Variants in ZNF564 observed in about 807,000 individuals in gnomAD.
The protein encoded by ZNF564 is zinc finger protein 564.
ZNF564 carries 5 observed loss-of-function variants against 10.5 expected under a neutral mutation model. That is an observed-to-expected ratio of 0.48 (90% CI 0.25 to 1.00). The LOEUF (loss-of-function observed/expected upper bound fraction) is 1.00. Ranked by LOEUF, ZNF564 falls within the 50% of genes least tolerant of loss-of-function variation. The probability of loss-of-function intolerance (pLI) is 0.16; values close to 1 mark genes in which losing one functional copy is unlikely to be tolerated. For synonymous variants in ZNF564, 242 were observed against 218.1 expected (o/e 1.11, Z -0.97); for missense variants, 603 against 669.7 (o/e 0.90, Z 1.10).
At chr19:12,539,237 T>C (rs566494256) in intron 1 of ZNF564, among the ~76,000 whole-genome samples, 12 of 85,372 alleles carry the variant, frequency 1.4e-4, no homozygotes, top group Admixed American at 7.3e-4. Flanking sequence ...CGAGACTCCA[T>C]CTCAAAAAAA....
chr19:12,531,680 A>G (rs573289566), intron 1 of ZNF564, among the ~76,000 whole-genome samples: 2 of 152,312 alleles, frequency 1.3e-5, no homozygotes, highest in South Asian at 4.1e-4. Context: ...AGGCTCACTA[A>G]CAAATCATAT....
intron 1 of ZNF564, among the ~76,000 whole-genome samples, chr19:12,539,676 A>C (rs893417830): frequency 1.4e-5 from 2 of 138,466 alleles, no homozygotes; most frequent in Admixed American, 7.4e-5. Flanking sequence ...TCAAAAAGAC[A>C]AAAAAGAAAA....
chr19:12,536,680 C>T lies in ZNF564; in HGVS notation c.4-7984G>A, dbSNP rs182080158. Reference sequence around the variant, plus strand: ...CTAGAATTCGGACATGGATGAGTATCCATGGTATTGTGGACTTCGTATAAG... The same window carrying T: ...CTAGAATTCGGACATGGATGAGTATTCATGGTATTGTGGACTTCGTATAAG... On this transcript the variant is annotated intron_variant, in intron 1 of 3. Coordinates refer to ENST00000339282, the MANE Select transcript of ZNF564 (RefSeq NM_144976.4). 3.5e-3 allele frequency among the ~76,000 whole-genome samples: 529 copies of T among 152,166 alleles called. 3 individuals carry two copies. The highest frequency in any genetic ancestry group is 5.5e-3 in the Non-Finnish European group (376 of 68,014).
At chr19:12,536,865 C>T (rs1444973648) in intron 1 of ZNF564, among the ~76,000 whole-genome samples, 3 of 152,122 alleles carry the variant, frequency 2.0e-5, no homozygotes, top group Non-Finnish European at 4.4e-5. Flanking sequence ...CCTGAAAACT[C>T]CTAATACTTT....
At chr19:12,544,074 G>T (rs1428545344) in intron 1 of ZNF564, among the ~76,000 whole-genome samples, 2 of 152,126 alleles carry the variant, frequency 1.3e-5, no homozygotes, top group African/African-American at 4.8e-5. Flanking sequence ...AAAACTACAT[G>T]TGTGCTGTTC....
intron 1 of ZNF564, among the ~76,000 whole-genome samples, chr19:12,539,666 T>G (rs1440041639): frequency 3.8e-5 from 5 of 130,622 alleles, no homozygotes; most frequent in African/African-American, 1.4e-4. Context: ...ACAATTCCTC[T>G]CAAAAAGACA....
chr19:12,527,009 A>G lies in ZNF564; in HGVS notation c.1099T>C (p.Cys367Arg). 2 of 1,613,990 alleles carry G rather than the reference A, an allele frequency of 1.2e-6. No homozygotes were observed. The highest frequency in any genetic ancestry group is 1.1e-5 in the South Asian group (1 of 91,074). Residue 367 changes from cysteine to arginine, a missense_variant, in exon 4 of 4, where the codon TGT (cysteine) becomes CGT (arginine). Transcript: ENST00000339282. The part of the protein sequence containing the change: ...RTHTGEKPYE[C>R]KECGKAFISL... Reference sequence around the variant, plus strand: ...ATGAAGGCTTTCCCGCATTCCTTACATTCATAGGGCTTCTCTCCAGTGTGA... The same window carrying G: ...ATGAAGGCTTTCCCGCATTCCTTACGTTCATAGGGCTTCTCTCCAGTGTGA...
At position 12,543,630 on chromosome 19, in the gene ZNF564, C is replaced by T. The variant is rs141875063; in HGVS notation, c.3+7700G>A. ...TGGAGGTTGTGGTGAGCCAAGATCA[C>T]GTCACTGCACTCCAGACGGGGCAAC... On this transcript the variant is annotated intron_variant, in intron 1 of 3. Coordinates refer to ENST00000339282, the MANE Select transcript of ZNF564 (RefSeq NM_144976.4). 1.7e-3 allele frequency among the ~76,000 whole-genome samples: 237 copies of T among 138,204 alleles called. 2 individuals are homozygous for T. Among genetic ancestry groups the T allele is most frequent in the African/African-American group, 6.0e-3 (220 of 36,640 alleles). 90.7% of individuals were successfully genotyped at this position (138,204 alleles called of 152,430 possible).
rs751032793 is a variant in ZNF564, at chr19:12,527,058, A to G, written c.1050T>C (p.Ser350=). 6 of 1,614,064 alleles carry G rather than the reference A, an allele frequency of 3.7e-6. No homozygotes were observed. In the South Asian group the frequency reaches 6.6e-5, roughly 18 times the overall value. The change falls in exon 4 of 4, where the codon AGT becomes AGC. Residue 350 remains serine (S), a synonymous_variant. Transcript: ENST00000339282. ...NKCGKTFSSS[S]NVRTHERTHT... ...GAGTCCTTTCATGTGTTCGAACATTACTGGAAGAACTGAAGGTTTTACCAC... is the reference window on the plus strand; with the variant it reads ...GAGTCCTTTCATGTGTTCGAACATTGCTGGAAGAACTGAAGGTTTTACCAC...
intron 1 of ZNF564, among the ~76,000 whole-genome samples, chr19:12,538,277 C>A (rs957214610): frequency 3.3e-5 from 5 of 151,544 alleles, no homozygotes; most frequent in African/African-American, 1.2e-4. Flanking sequence ...CTGCTTAATG[C>A]CAAGGAGTTT....
At chr19:12,532,064 G>C (rs1428384121) in intron 1 of ZNF564, among the ~76,000 whole-genome samples, 1 of 152,104 alleles carries the variant, frequency 6.6e-6, no homozygotes, top group Non-Finnish European at 1.5e-5. Context: ...AAAACACAGA[G>C]ATAAGCCAGG....
intron 1 of ZNF564, among the ~76,000 whole-genome samples, chr19:12,545,052 AG>A (rs1183067135): frequency 6.6e-6 from 1 of 152,118 alleles, no homozygotes; most frequent in Non-Finnish European, 1.5e-5. Context: ...TGAGGTCAGG[AG>A]TTTGAGACCA....
At chr19:12,547,549 T>C (rs2145097515) in intron 1 of ZNF564, among the ~76,000 whole-genome samples, 1 of 152,334 alleles carries the variant, frequency 6.6e-6, no homozygotes, top group South Asian at 2.1e-4. Flanking sequence ...AACAATTAAC[T>C]ATTACAACCT....
intron 1 of ZNF564, among the ~76,000 whole-genome samples, chr19:12,536,266 T>C (rs1417722554): frequency 6.6e-6 from 1 of 152,116 alleles, no homozygotes; most frequent in Non-Finnish European, 1.5e-5. Context: ...AGCCTCAACC[T>C]CCAAGGCTAA....
chr19:12,548,712 ATTATTG>A (rs1568268058), intron 1 of ZNF564: 1 of 690,138 alleles, frequency 1.4e-6, no homozygotes, highest in Non-Finnish European at 2.6e-6. Context: ...GAGACCTCAC[ATTATTG>A]TTACTTCCAT....
rs1333303034 is a variant in ZNF564 at position 12,526,102 on chromosome 19, A to G, written c.*344T>C. 11 of 190,628 alleles carry G rather than the reference A, an allele frequency of 5.8e-5. No homozygotes were observed. In the East Asian group the frequency reaches 1.4e-3, roughly 24 times the overall value. The allele number at this position is 190,628 out of a possible 1,614,324, so 11.8% of individuals were successfully genotyped here. A position where few individuals can be genotyped will look rare whatever the true frequency, so the allele number is the denominator to read the frequency against. ...CAAAATCCATGTCATCACATGTAAA[A>G]TATATTCATCTCATCCCAAAGGCCT... On this transcript the variant is annotated 3_prime_UTR_variant, in exon 4 of 4. Transcript: ENST00000339282.
At chr19:12,540,483 G>A (rs1303007924) in intron 1 of ZNF564, among the ~76,000 whole-genome samples, 1 of 152,184 alleles carries the variant, frequency 6.6e-6, no homozygotes, top group Admixed American at 6.6e-5. Flanking sequence ...ACTTTGGGAG[G>A]CTGAGGCGGA....
intron 2 of ZNF564, 58 bp from the exon 3 acceptor site, chr19:12,528,422 A>G (rs184265655): frequency 3.2e-6 from 5 of 1,576,614 alleles, no homozygotes; most frequent in Non-Finnish European, 4.3e-6. Flanking sequence ...AAAAATGACT[A>G]GATTCTAAGT....
intron 1 of ZNF564, chr19:12,550,714 A>C (rs2022239695): frequency 6.4e-6 from 1 of 157,202 alleles, no homozygotes; most frequent in Non-Finnish European, 1.4e-5. Flanking sequence ...ATGGTGAAAG[A>C]AACTATAAAC....
Sources: allele counts gnomAD v4.1 joint callset (sites outside exome capture counted in the v4.1 genomes callset), GRCh38; gene constraint gnomAD v4.1.1; transcripts MANE v1.5; gene names NCBI Gene and HGNC (gene_info 2026-07-23, HGNC 2026-07-21).